TLN1: variants seen among roughly 807,000 people sequenced by gnomAD.
TLN1 encodes the protein talin 1.
Under a neutral mutation model 292.3 loss-of-function variants are expected in TLN1, and 56 were observed. The observed-to-expected ratio is 0.19, with a 90% CI of 0.15 to 0.24. TLN1 has a LOEUF of 0.24. Ranked by LOEUF, TLN1 falls within the 10% of genes least tolerant of loss-of-function variation. The pLI is 1.00. For missense variants in TLN1, 2,433 were observed against 3,248.2 expected (o/e 0.75, Z 6.10); for synonymous variants, 1,119 against 1,253.7 (o/e 0.89, Z 2.27).
intron 27 of TLN1, 93 bp from the exon 28 acceptor site, chr9:35,712,217 C>T (rs1423381121): frequency 2.3e-5 from 33 of 1,455,438 alleles, no homozygotes; most frequent in East Asian, 9.9e-5. Context: ...AGCTCTACTG[C>T]CTCTGAAAGT....
At position 35,710,995 on chromosome 9, in the gene TLN1, T is replaced by C; in HGVS notation, c.4107A>G (p.Glu1369=). The C allele has an allele frequency of 1.2e-6, 2 of 1,614,114 alleles. No individual in the cohort carries two copies. Among genetic ancestry groups the C allele is most frequent in the East Asian group, 2.2e-5 (1 of 44,882 alleles). The change falls in exon 31 of 57, where the codon GAA becomes GAG. Residue 1369 remains glutamate, a synonymous_variant. Transcript: ENST00000314888. ...CAGCCTGCCATGTGTCTACCTCCAA[T>C]TCCCGCAGGGCGTTATCACACTCCT... The part of the protein sequence containing the change: ...GQKECDNALR[E]LETVRELLEN...
rs759314155 is a variant in TLN1, at chr9:35,720,095, G to C, written c.1408C>G (p.Pro470Ala). 8 of 1,610,262 alleles carry C rather than the reference G, an allele frequency of 5.0e-6. No homozygotes were observed. Among genetic ancestry groups the C allele is most frequent in the Admixed American group, 1.7e-5 (1 of 59,338 alleles). ...PENFQVGSMPPAQQQITSGQM... is the reference protein window; with the variant it reads ...PENFQVGSMPAAQQQITSGQM... ...CCGCTGGTAATCTGCTGCTGGGCAG[G>C]GGGCATGCTGCCCACCTGGAAATTC... The change falls in exon 13 of 57, where the codon CCT becomes GCT. Residue 470 changes from proline to alanine, a missense_variant. This residue lies in a region of TLN1 where 617 missense variants were observed against 770.6 expected (regional missense o/e 0.80). Coordinates refer to ENST00000314888, the MANE Select transcript of TLN1 (RefSeq NM_006289.4).
rs779002810 is a variant in TLN1, at chr9:35,707,875, G to T, written c.4488C>A (p.Thr1496=). Reference sequence around the variant, plus strand: ...GTGCAGAGGTGTGTTTAGCCACAATGGTGGCTGCAGAGAGCACCTGAGGAG... The same window carrying T: ...GTGCAGAGGTGTGTTTAGCCACAATTGTGGCTGCAGAGAGCACCTGAGGAG... The part of the protein sequence containing the change: ...CTQAQVLSAA[T]IVAKHTSALC... Residue 1496 remains threonine, a synonymous_variant, in exon 35 of 57, where the codon ACC becomes ACA. Coordinates refer to ENST00000314888, the MANE Select transcript of TLN1 (RefSeq NM_006289.4). The surrounding 1 kb of genome is among the most constrained non-coding windows in gnomAD (Gnocchi z 5.6). The T allele has an allele frequency of 9.9e-6, 16 of 1,614,038 alleles. 1 individual carries two copies. In the Admixed American group the frequency reaches 2.5e-4, roughly 25 times the overall value.
chr9:35,720,460 A>G lies in TLN1; in HGVS notation c.1256T>C (p.Met419Thr). 6.2e-7 allele frequency: 1 copy of G among 1,614,100 alleles called. No individual in the cohort carries two copies. Among genetic ancestry groups the G allele is most frequent in the South Asian group, 1.1e-5 (1 of 91,074 alleles). The change falls in exon 12 of 57, where the codon ATG (methionine) becomes ACG (threonine). Residue 419 changes from methionine (M) to threonine (T), a missense_variant. By Grantham distance (81) the Met-to-Thr change is moderately conservative. Coordinates refer to ENST00000314888, the MANE Select transcript of TLN1 (RefSeq NM_006289.4). ...FGLEGDEEST[M>T]LEDSVSPKKS... ...TTTGGGGGACACTGAGTCCTCCAGCATAGTAGACTCCTCATCTCCTTCCAG... is the reference window on the plus strand; with the variant it reads ...TTTGGGGGACACTGAGTCCTCCAGCGTAGTAGACTCCTCATCTCCTTCCAG...
intron 1 of TLN1, among the ~76,000 whole-genome samples, chr9:35,730,181 T>C (rs1480662931): frequency 1.4e-5 from 2 of 145,086 alleles, no homozygotes; most frequent in East Asian, 4.1e-4. Context: ...CTGTGGTCAG[T>C]CACTAAATCA....
At chr9:35,727,556 T>C (rs1290746855) in intron 1 of TLN1, among the ~76,000 whole-genome samples, 1 of 152,102 alleles carries the variant, frequency 6.6e-6, no homozygotes, top group African/African-American at 2.4e-5. Flanking sequence ...GTCTCCCCAG[T>C]TCCAGCTCTC....
chr9:35,701,559 C>T (rs544545888), intron 48 of TLN1, among the ~76,000 whole-genome samples: 2 of 152,290 alleles, frequency 1.3e-5, no homozygotes, highest in African/African-American at 4.8e-5. Context: ...AGGCATCAGC[C>T]AGCATGTCCA....
Position 35,724,519 on chromosome 9 carries a change from C to T in TLN1, c.511+53G>A. On this transcript the variant is annotated intron_variant, in intron 5 of 56. Coordinates refer to ENST00000314888, the MANE Select transcript of TLN1 (RefSeq NM_006289.4). The surrounding 1 kb of genome is among the most constrained non-coding windows in gnomAD (Gnocchi z 4.7). ...TGCCTGGCAGAAGCAGATGCTGAAG[C>T]CCCTTCCCACCCTTCCCATTTCAAA... 6.3e-7 allele frequency: 1 copy of T among 1,589,622 alleles called. No homozygotes were observed.
chr9:35,711,986 C>T lies in TLN1; in HGVS notation c.3681+19G>A, dbSNP rs375804410. Reference sequence around the variant, plus strand: ...ATTCTTTGACTCCTACGTTCCCCCACCCCCTACCGTCCTCCTACCGAGTCA... The same window carrying T: ...ATTCTTTGACTCCTACGTTCCCCCATCCCCTACCGTCCTCCTACCGAGTCA... On this transcript the variant is annotated intron_variant, in intron 28 of 56. Transcript: ENST00000314888. 13 of 1,612,276 alleles carry T rather than the reference C, an allele frequency of 8.1e-6. No individual in the cohort carries two copies. The highest frequency in any genetic ancestry group is 3.3e-5 in the Admixed American group (2 of 59,872).
rs370601960 is a variant in TLN1, at chr9:35,697,839, C to A, written c.7578G>T (p.Arg2526=). ...EEARKKLAQI[R]QQQYKFLPSE... ...AAGGCAGAAACTTGTACTGCTGCTGCCGGATCTGGGCCAGTTTCTTCCGCG... is the reference window on the plus strand; with the variant it reads ...AAGGCAGAAACTTGTACTGCTGCTGACGGATCTGGGCCAGTTTCTTCCGCG... The change falls in exon 57 of 57, where the codon CGG becomes CGT. Residue 2526 remains arginine (R), a synonymous_variant. Coordinates refer to ENST00000314888, the MANE Select transcript of TLN1 (RefSeq NM_006289.4). The A allele has an allele frequency of 1.9e-6, 3 of 1,614,182 alleles. No homozygotes were observed. The highest frequency in any genetic ancestry group is 1.7e-5 in the Admixed American group (1 of 60,034).
Position 35,723,805 on chromosome 9 carries a change from A to T in TLN1, c.782+147T>A, listed in dbSNP as rs1038544344. 2.5e-6 allele frequency: 3 copies of T among 1,197,226 alleles called. No individual in the cohort carries two copies. In the Admixed American group the frequency reaches 6.8e-5, roughly 27 times the overall value. 74.2% of individuals were successfully genotyped at this position (1,197,226 alleles called of 1,614,324 possible). On this transcript the variant is annotated intron_variant, in intron 7 of 56. Coordinates refer to ENST00000314888, the MANE Select transcript of TLN1 (RefSeq NM_006289.4). Reference sequence around the variant, plus strand: ...CAGAGAAGAGACAATGGATGATGGCAACTAAAAGGGTAGCTATGTTGGTCA... The same window carrying T: ...CAGAGAAGAGACAATGGATGATGGCTACTAAAAGGGTAGCTATGTTGGTCA...
At position 35,718,859 on chromosome 9, in the gene TLN1, C is replaced by T; in HGVS notation, c.1948G>A (p.Glu650Lys). Residue 650 changes from glutamate to lysine, a missense_variant, in exon 17 of 57, where the codon GAG becomes AAG. By Grantham distance (56) the Glu-to-Lys change is moderately conservative. This residue lies in a region of TLN1 where 617 missense variants were observed against 770.6 expected (regional missense o/e 0.80). Coordinates refer to ENST00000314888, the MANE Select transcript of TLN1 (RefSeq NM_006289.4). Reference sequence around the variant, plus strand: ...CTTTCCCCAATTTGTTGCAACAGCTCCCCACTGGCCTGGCCCACGTTCCCA... The same window carrying T: ...CTTTCCCCAATTTGTTGCAACAGCTTCCCACTGGCCTGGCCCACGTTCCCA... ...AAGNVGQASGELLQQIGESDT... is the reference protein window; with the variant it reads ...AAGNVGQASGKLLQQIGESDT... The T allele has an allele frequency of 6.2e-7, 1 of 1,613,702 alleles. No individual in the cohort carries two copies. The highest frequency in any genetic ancestry group is 8.5e-7 in the Non-Finnish European group (1 of 1,179,828).
rs1357318134 is a variant in TLN1 at position 35,704,825 on chromosome 9, A to G, written c.5734-10T>C. On this transcript the variant is annotated splice_polypyrimidine_tract_variant and intron_variant, in intron 43 of 56. Coordinates refer to ENST00000314888, the MANE Select transcript of TLN1 (RefSeq NM_006289.4). This position sits in a 1 kb window ranked among gnomAD's most constrained non-coding sequence, Gnocchi z 6.9. The stretch of plus-strand genomic sequence containing the variant: ...TGATATGGGAACCTATCTGTGAGCC[A>G]AGGGAAAGACAGATGGATTTTACAA... The G allele has an allele frequency of 1.9e-6, 3 of 1,612,018 alleles. No homozygotes were observed. In the Admixed American group the frequency reaches 5.0e-5, roughly 27 times the overall value.
At position 35,703,681 on chromosome 9, in the gene TLN1, A is replaced by C. The variant is rs1825508000; in HGVS notation, c.6358-5T>G. ...TGTCACATTGGTCACCATCACCTGG[A>C]GGTATCAGAGGAGTGAAGAGGAATG... On this transcript the variant is annotated splice_region_variant and splice_polypyrimidine_tract_variant and intron_variant, in intron 47 of 56. Transcript: ENST00000314888. The C allele has an allele frequency of 2.5e-6, 4 of 1,614,164 alleles. No homozygotes were observed. The highest frequency in any genetic ancestry group is 3.4e-6 in the Non-Finnish European group (4 of 1,180,032).
At chr9:35,715,718 T>C (rs1374800841) in intron 20 of TLN1, among the ~76,000 whole-genome samples, 2 of 152,184 alleles carry the variant, frequency 1.3e-5, no homozygotes, top group African/African-American at 2.4e-5. Flanking sequence ...CCAGGCAGGG[T>C]AGCAGCAAAG....
In TLN1 at chr9:35,698,589, G is replaced by A. The variant is rs1291822840; in HGVS notation, c.7188+28C>T. On this transcript the variant is annotated intron_variant, in intron 54 of 56. Coordinates refer to ENST00000314888, the MANE Select transcript of TLN1 (RefSeq NM_006289.4). This position sits in a 1 kb window ranked among gnomAD's most constrained non-coding sequence, Gnocchi z 5.3. ...AGCCTTCTCAAGTCTCTCAAACTGA[G>A]AGAGACCTAGTGGTATTGCACACTT... 6.2e-7 allele frequency: 1 copy of A among 1,614,124 alleles called. No homozygotes were observed. The highest frequency in any genetic ancestry group is 1.7e-5 in the Admixed American group (1 of 60,022).
At position 35,717,511 on chromosome 9, in the gene TLN1, C is replaced by A; in HGVS notation, c.2164-71G>T. Reference sequence around the variant, plus strand: ...TAGAGTATGCTGCTCATAGCAGTAACTGGGATGGGTGAGGAGGCCTCCAGA... The same window carrying A: ...TAGAGTATGCTGCTCATAGCAGTAAATGGGATGGGTGAGGAGGCCTCCAGA... On this transcript the variant is annotated intron_variant, in intron 18 of 56. Transcript: ENST00000314888. The surrounding 1 kb of genome is among the most constrained non-coding windows in gnomAD (Gnocchi z 4.7). 3.2e-6 allele frequency: 5 copies of A among 1,578,936 alleles called. No homozygotes were observed. Among genetic ancestry groups the A allele is most frequent in the Non-Finnish European group, 4.3e-6 (5 of 1,157,350 alleles).
rs1825592045 is a variant in TLN1 at position 35,707,770 on chromosome 9, C to T, written c.4593G>A (p.Glu1531=). 1.9e-6 allele frequency: 3 copies of T among 1,614,180 alleles called. No homozygotes were observed. The highest frequency in any genetic ancestry group is 2.5e-6 in the Non-Finnish European group (3 of 1,180,032). ...AKRQFVQSAK[E]VANSTANLVK... is the part of the protein sequence containing the mutation. ...CAAGATTAGCTGTGCTGTTGGCCAC[C>T]TCCTTGGCTGACTGTACAAACTGGC... Residue 1531 remains glutamate, a synonymous_variant, in exon 35 of 57, where the codon GAG becomes GAA. Coordinates refer to ENST00000314888, the MANE Select transcript of TLN1 (RefSeq NM_006289.4). This position sits in a 1 kb window ranked among gnomAD's most constrained non-coding sequence, Gnocchi z 5.6.
At chr9:35,702,350 A>C (rs888436523) in intron 48 of TLN1, among the ~76,000 whole-genome samples, 21 of 152,222 alleles carry the variant, frequency 1.4e-4, no homozygotes, top group African/African-American at 5.1e-4. Context: ...AAACTTGCCA[A>C]AGAAGAGAAG....
Sources: gnomAD v4.1 joint callset for allele counts (sites outside exome capture counted in the v4.1 genomes callset) on GRCh38, gnomAD v4.1.1 for gene constraint, gnomAD v4.1.1 regional missense constraint, Gnocchi (gnomAD v3.1) non-coding constraint, MANE v1.5 for transcripts, NCBI Gene and HGNC (gene_info 2026-07-23, HGNC 2026-07-21) for gene names.